The following SOBP variants were observed in gnomAD, a reference collection of about 807,000 sequenced individuals.
SOBP encodes sine oculis binding protein homolog, also known as sine oculis-binding protein homolog.
In SOBP, 4 loss-of-function variants were observed where a neutral mutation model predicts 53.6. That is an observed-to-expected ratio of 0.07 (90% CI 0.04 to 0.17). The LOEUF (loss-of-function observed/expected upper bound fraction) is 0.17. Ranked by LOEUF, SOBP falls within the 10% of genes least tolerant of loss-of-function variation. SOBP has a pLI of 1.00. For synonymous variants in SOBP, 584 were observed against 522.6 expected (o/e 1.12, Z -1.60); for missense variants, 1,088 against 1,204.7 (o/e 0.90, Z 1.43).
At chr6:107,616,084 T>TAG (rs1278841564) in intron 5 of SOBP, among the ~76,000 whole-genome samples, 1 of 62,572 alleles carries the variant, frequency 1.6e-5, no homozygotes, top group Non-Finnish European at 3.4e-5. Context: ...GGAAGGGGGG[T>TAG]GGGGGGGGGG....
At chr6:107,653,018 A>G (rs568484272) in intron 6 of SOBP, among the ~76,000 whole-genome samples, 3 of 152,314 alleles carry the variant, frequency 2.0e-5, no homozygotes, top group Admixed American at 1.3e-4. Context: ...CTTTATTGCA[A>G]TGCTCACTTT....
chr6:107,602,266 C>T (rs1786208306), intron 5 of SOBP, among the ~76,000 whole-genome samples: 1 of 152,136 alleles, frequency 6.6e-6, no homozygotes, highest in South Asian at 2.1e-4. Context: ...AATTAGCTTC[C>T]TGAGACTCAG....
chr6:107,655,091 C>G (rs1420532766), intron 6 of SOBP, among the ~76,000 whole-genome samples: 2 of 151,746 alleles, frequency 1.3e-5, no homozygotes, highest in African/African-American at 4.9e-5. Flanking sequence ...AGTAATTTCC[C>G]CTTTGCACAG....
intron 4 of SOBP, among the ~76,000 whole-genome samples, chr6:107,548,864 G>T (rs1297813836): frequency 6.6e-6 from 1 of 152,150 alleles, no homozygotes; most frequent in Non-Finnish European, 1.5e-5. Flanking sequence ...TTTGAGCCAG[G>T]AGTTTGAGGT....
In SOBP at chr6:107,611,613, T is replaced by C. The variant is rs374767060; in HGVS notation, c.670-21901T>C. ...TATGTGCTGTGTGGCCGGGCCAGCA[T>C]TGGACTCACCCGTGTTGTTGCCATG... On this transcript the variant is annotated intron_variant, in intron 5 of 6. Coordinates refer to ENST00000317357, the MANE Select transcript of SOBP (RefSeq NM_018013.4). Among the ~76,000 whole-genome samples the C allele has an allele frequency of 4.6e-5, 7 of 152,296 alleles. No individual in the cohort carries two copies. In the East Asian group the frequency reaches 1.2e-3, roughly 25 times the overall value.
intron 5 of SOBP, among the ~76,000 whole-genome samples, chr6:107,623,004 A>G (rs964999150): frequency 5.3e-5 from 8 of 152,174 alleles, no homozygotes; most frequent in South Asian, 2.1e-4. Context: ...TACTTTGACC[A>G]CCATCTGATT....
At chr6:107,533,635 G>GC in intron 4 of SOBP, 25 bp downstream of exon 4, 1 of 1,613,636 alleles carries the variant, frequency 6.2e-7, no homozygotes. Context: ...GAGAGAGGCG[G>GC]CCCCCCACAG....
chr6:107,569,559 T>G (rs1583221693), intron 4 of SOBP, among the ~76,000 whole-genome samples: 1 of 152,234 alleles, frequency 6.6e-6, no homozygotes, highest in African/African-American at 2.4e-5. Context: ...TGGCTTTTTT[T>G]GGCTAGTGTT....
At chr6:107,583,788 C>G (rs1412206515) in intron 4 of SOBP, among the ~76,000 whole-genome samples, 1 of 152,028 alleles carries the variant, frequency 6.6e-6, no homozygotes, top group African/African-American at 2.4e-5. Flanking sequence ...GGACTACATC[C>G]TAGAGGTTGA....
At chr6:107,518,927 G>C (rs1783404022) in intron 3 of SOBP, among the ~76,000 whole-genome samples, 1 of 151,992 alleles carries the variant, frequency 6.6e-6, no homozygotes, top group Admixed American at 6.6e-5. Flanking sequence ...TCTGTTCATA[G>C]CTTTCTCAAA....
rs560980239 is a variant in SOBP at position 107,658,832 on chromosome 6, G to T, written c.*629G>T. ...TACTTTTCTTGTTATTTTTACAAAG[G>T]CCACCTTTATCCTTTTTGATGCCAT... On this transcript the variant is annotated 3_prime_UTR_variant, in exon 7 of 7. Coordinates refer to ENST00000317357, the MANE Select transcript of SOBP (RefSeq NM_018013.4). 1 of 152,580 alleles carries T rather than the reference G, an allele frequency of 6.6e-6. No individual in the cohort carries two copies. The highest frequency in any genetic ancestry group is 6.5e-5 in the Admixed American group (1 of 15,278). 9.5% of individuals were successfully genotyped at this position (152,580 alleles called of 1,614,324 possible).
intron 4 of SOBP, among the ~76,000 whole-genome samples, chr6:107,550,618 C>A (rs1035593527): frequency 6.6e-6 from 1 of 152,208 alleles, no homozygotes; most frequent in East Asian, 1.9e-4. Flanking sequence ...AGAACCCGGG[C>A]ACCACAGGGT....
chr6:107,503,288 A>G (rs1024736146), intron 1 of SOBP, among the ~76,000 whole-genome samples: 4 of 152,196 alleles, frequency 2.6e-5, no homozygotes, highest in Admixed American at 1.3e-4. Context: ...CATTTTCAAA[A>G]TCTTTTCTTA....
At chr6:107,648,529 G>GTT (rs35304487) in intron 6 of SOBP, among the ~76,000 whole-genome samples, 1 of 147,294 alleles carries the variant, frequency 6.8e-6, no homozygotes. Flanking sequence ...AAAATGTGTG[G>GTT]TTTTTTTTTT....
intron 1 of SOBP, among the ~76,000 whole-genome samples, chr6:107,492,246 A>G (rs1422426559): frequency 6.6e-6 from 1 of 151,596 alleles, no homozygotes; most frequent in Non-Finnish European, 1.5e-5. Context: ...CATAATAACC[A>G]TTCTTCCTCA....
chr6:107,495,658 G>A (rs899830703), intron 1 of SOBP, among the ~76,000 whole-genome samples: 1 of 152,124 alleles, frequency 6.6e-6, no homozygotes, highest in African/African-American at 2.4e-5. Context: ...AAACCAAGAG[G>A]TAACAGAATT....
chr6:107,604,603 A>G (rs1355977269), intron 5 of SOBP, among the ~76,000 whole-genome samples: 1 of 131,284 alleles, frequency 7.6e-6, no homozygotes, highest in Non-Finnish European at 1.6e-5. Context: ...CTTGTTACCC[A>G]TCTCCCCTCC....
chr6:107,583,917 A>G (rs542187902), intron 4 of SOBP, among the ~76,000 whole-genome samples: 21 of 152,352 alleles, frequency 1.4e-4, no homozygotes, highest in Admixed American at 1.2e-3. Context: ...AAATGCTCCA[A>G]TGAACATTTA....
At chr6:107,555,227 G>A (rs192278132) in intron 4 of SOBP, among the ~76,000 whole-genome samples, 191 of 151,918 alleles carry the variant, frequency 1.3e-3, no homozygotes, top group African/African-American at 4.4e-3. Context: ...AACCCTGCAA[G>A]GCATTTAAAA....
Sources: gnomAD v4.1 joint callset for allele counts (sites outside exome capture counted in the v4.1 genomes callset) on GRCh38, gnomAD v4.1.1 for gene constraint, MANE v1.5 for transcripts, NCBI Gene and HGNC (gene_info 2026-07-23, HGNC 2026-07-21) for gene names.